The following UNC5C variants were observed in gnomAD, a reference collection of about 807,000 sequenced individuals.
UNC5C encodes unc-5 netrin receptor C, also known as netrin receptor UNC5C.
A neutral mutation model predicts 99.8 loss-of-function variants in UNC5C; 47 were observed. The observed-to-expected ratio is 0.47, with a 90% confidence interval of 0.37 to 0.60. The LOEUF (loss-of-function observed/expected upper bound fraction) is 0.60, where lower values mean the gene tolerates loss of function less well. Ranked by LOEUF, UNC5C falls within the 20% of genes least tolerant of loss-of-function variation. UNC5C has a pLI of 0.00. For missense variants in UNC5C, 1,062 were observed against 1,165.9 expected (o/e 0.91, Z 1.30); for synonymous variants, 487 against 452.2 (o/e 1.08, Z -0.98).
chr4:95,342,466 C>T (rs1044759490), intron 1 of UNC5C, among the ~76,000 whole-genome samples: 3 of 151,990 alleles, frequency 2.0e-5, no homozygotes, highest in Admixed American at 2.0e-4. Flanking sequence ...GAATTAATCA[C>T]CTGCTGAGTA....
rs538952446 is a variant in UNC5C, at chr4:95,325,968, T to C, written c.346+9442A>G. On this transcript the variant is annotated intron_variant, in intron 2 of 15. Transcript: ENST00000453304. ...CTAACTGTTCTGTGTTCAGTAGTTA[T>C]GGTAAAATTTAGGGAGACACCAGGC... is the stretch of plus-strand genomic sequence containing the variant. Among the ~76,000 whole-genome samples the C allele has an allele frequency of 3.9e-5, 6 of 152,258 alleles. No individual in the cohort carries two copies. In the South Asian group the frequency reaches 6.2e-4, roughly 16 times the overall value.
At chr4:95,184,272 A>T (rs78679276) in intron 13 of UNC5C, among the ~76,000 whole-genome samples, 2,961 of 152,290 alleles carry the variant, frequency 0.019, 98 homozygotes, top group African/African-American at 0.068. Flanking sequence ...GTGAGAATGG[A>T]GCCAGAATGT....
chr4:95,389,193 C>T (rs548846259), intron 1 of UNC5C, among the ~76,000 whole-genome samples: 1 of 152,120 alleles, frequency 6.6e-6, no homozygotes, highest in Non-Finnish European at 1.5e-5. Flanking sequence ...TACAAACCCA[C>T]AAAACATGCA....
rs1035685292 is a variant in UNC5C at position 95,528,317 on chromosome 4, T to C, written c.124+20417A>G. 2.6e-5 allele frequency among the ~76,000 whole-genome samples: 4 copies of C among 152,312 alleles called. No individual in the cohort carries two copies. In the East Asian group the frequency reaches 7.7e-4, roughly 29 times the overall value. ...TTGAAGTAGTTCTACAGGCTGCTTG[T>C]GCTTAACTCTATCAATTTTCGCACC... is the stretch of plus-strand genomic sequence containing the variant. On this transcript the variant is annotated intron_variant, in intron 1 of 15. Coordinates refer to ENST00000453304, the MANE Select transcript of UNC5C (RefSeq NM_003728.4).
chr4:95,202,458 C>T (rs894952954), intron 12 of UNC5C, among the ~76,000 whole-genome samples: 3 of 152,136 alleles, frequency 2.0e-5, no homozygotes, highest in East Asian at 1.9e-4. Flanking sequence ...TTACCATCCA[C>T]GGGTCTCGTT....
chr4:95,204,044 A>T (rs2149361168), intron 11 of UNC5C, among the ~76,000 whole-genome samples: 1 of 152,210 alleles, frequency 6.6e-6, no homozygotes, highest in East Asian at 1.9e-4. Flanking sequence ...GTGTGAGCTC[A>T]CAAGAAGGAG....
intron 2 of UNC5C, among the ~76,000 whole-genome samples, chr4:95,326,960 A>G (rs1398322488): frequency 6.6e-6 from 1 of 152,226 alleles, no homozygotes; most frequent in Non-Finnish European, 1.5e-5. Flanking sequence ...AGAGGTATGT[A>G]TAAAAGCAAC....
In UNC5C at chr4:95,183,061, C is replaced by T. The variant is rs769110355; in HGVS notation, c.2287G>A (p.Glu763Lys). The T allele has an allele frequency of 6.2e-6, 10 of 1,603,160 alleles. No homozygotes were observed. The highest frequency in any genetic ancestry group is 1.1e-5 in the South Asian group (1 of 90,438). The change falls in exon 14 of 16, where the codon GAA (glutamate) becomes AAA (lysine). Residue 763 changes from glutamate (E) to lysine (K), a missense_variant and splice_region_variant. Physicochemically the swap from Glu to Lys is moderately conservative, Grantham distance 56 (BLOSUM62 1). Around this residue, in one of 3 missense-constraint regions of UNC5C, gnomAD observed 810 missense variants for 854.5 expected, o/e 0.95. Transcript: ENST00000453304. ...WKSKLLAKYQ[E>K]IPFYHVWSGS... ...CTCCAAACATGGTAAAATGGAATTT[C>T]CTAAAGGATATGAAAGTGTTAACCA...
At position 95,499,935 on chromosome 4, in the gene UNC5C, CA is replaced by C. The variant is rs145908433; in HGVS notation, c.124+48798del. Among the ~76,000 whole-genome samples the C allele has an allele frequency of 7.3e-5, 11 of 150,968 alleles. No individual in the cohort carries two copies. The East Asian group carries it at 2.0e-3, about 27-fold the overall frequency. ...AACTGTCTATACATCCTAGGCCATTCAGTGCAGATTTAAATTTCAGGAAACA... is the reference window on the plus strand; with the variant it reads ...AACTGTCTATACATCCTAGGCCATTCGTGCAGATTTAAATTTCAGGAAACA... On this transcript the variant is annotated intron_variant, in intron 1 of 15. Coordinates refer to ENST00000453304, the MANE Select transcript of UNC5C (RefSeq NM_003728.4).
chr4:95,429,337 T>A (rs1012712109), intron 1 of UNC5C, among the ~76,000 whole-genome samples: 1 of 150,672 alleles, frequency 6.6e-6, no homozygotes, highest in African/African-American at 2.4e-5. Flanking sequence ...AATTTTACCA[T>A]CCAATCATAC....
At chr4:95,227,302 A>G (rs1435373218) in intron 7 of UNC5C, among the ~76,000 whole-genome samples, 1 of 151,774 alleles carries the variant, frequency 6.6e-6, no homozygotes, top group African/African-American at 2.4e-5. Context: ...TATCTGCACC[A>G]CCACACCCAG....
Position 95,250,625 on chromosome 4 carries a change from C to T in UNC5C, c.637G>A (p.Asp213Asn), listed in dbSNP as rs1201028919. 6.2e-7 allele frequency: 1 copy of T among 1,614,012 alleles called. No individual in the cohort carries two copies. Among genetic ancestry groups the T allele is most frequent in the Non-Finnish European group, 8.5e-7 (1 of 1,179,954 alleles). Residue 213 changes from aspartate to asparagine, a missense_variant, in exon 5 of 16, where the codon GAT becomes AAT. Physicochemically the swap from Asp to Asn is conservative, Grantham distance 23 (BLOSUM62 1). This residue lies in a region of UNC5C where 249 missense variants were observed against 295.1 expected (regional missense o/e 0.84). Transcript: ENST00000453304. ...KNEDIIDPVE[D>N]RNFYITIDHN... ...TCAATAGTAATATAAAAATTCCGAT[C>T]TTCAACGGGATCAATTATGTCTTCA...
rs569388549 is a variant in UNC5C, at chr4:95,308,462, T to C, written c.347-6713A>G. ...AGAAATAAATTGAAGAAGAAAAACA[T>C]TAATGGAAGGCCAGGTGCGGTGGCT... On this transcript the variant is annotated intron_variant, in intron 2 of 15. Transcript: ENST00000453304. 2.0e-5 allele frequency among the ~76,000 whole-genome samples: 3 copies of C among 151,254 alleles called. 1 individual carries two copies. Among genetic ancestry groups the C allele is most frequent in the Non-Finnish European group, 4.4e-5 (3 of 67,784 alleles).
At chr4:95,444,027 G>A (rs530441296) in intron 1 of UNC5C, among the ~76,000 whole-genome samples, 27 of 152,136 alleles carry the variant, frequency 1.8e-4, no homozygotes, top group African/African-American at 5.8e-4. Context: ...CCATGGAGAT[G>A]GCTATTAATA....
chr4:95,410,156 T>C (rs749790070), intron 1 of UNC5C, among the ~76,000 whole-genome samples: 1 of 152,180 alleles, frequency 6.6e-6, no homozygotes, highest in Non-Finnish European at 1.5e-5. Context: ...AGGGTATTAC[T>C]CCTTCTTCTT....
At chr4:95,497,919 T>C (rs28711582) in intron 1 of UNC5C, among the ~76,000 whole-genome samples, 5,510 of 152,112 alleles carry the variant, frequency 0.036, 186 homozygotes, top group African/African-American at 0.092. Flanking sequence ...AATAAGCTTT[T>C]AAATAGCTAC....
At chr4:95,362,581 G>GT (rs1175753678) in intron 1 of UNC5C, among the ~76,000 whole-genome samples, 1 of 152,124 alleles carries the variant, frequency 6.6e-6, no homozygotes, top group Non-Finnish European at 1.5e-5. Flanking sequence ...CAATAAATGT[G>GT]TTTTTTATCT....
chr4:95,373,204 A>C (rs1026375868), intron 1 of UNC5C, among the ~76,000 whole-genome samples: 10 of 152,158 alleles, frequency 6.6e-5, no homozygotes, highest in Admixed American at 2.0e-4. Context: ...AAACATAAGT[A>C]AACACATGCC....
In UNC5C at chr4:95,548,891, G is replaced by T. The variant is rs1053157460; in HGVS notation, c.-34C>A. ...GAGGTGTGCCGGGGGGAGGGGAGGG[G>T]GACAGAGAGACGCGCAAACAGCTGA... On this transcript the variant is annotated 5_prime_UTR_variant, in exon 1 of 16. Coordinates refer to ENST00000453304, the MANE Select transcript of UNC5C (RefSeq NM_003728.4). The T allele has an allele frequency of 6.2e-7, 1 of 1,609,776 alleles. No homozygotes were observed.
Sources: gnomAD v4.1 joint callset for allele counts (sites outside exome capture counted in the v4.1 genomes callset) on GRCh38, gnomAD v4.1.1 for gene constraint, gnomAD v4.1.1 regional missense constraint, MANE v1.5 for transcripts, NCBI Gene and HGNC (gene_info 2026-07-23, HGNC 2026-07-21) for gene names.